CDCA5: variants seen among roughly 807,000 people sequenced by gnomAD.
CDCA5 encodes the protein sororin.
Under a neutral mutation model 25.7 loss-of-function variants are expected in CDCA5, and 14 were observed. The observed-to-expected ratio is 0.54, with a 90% CI of 0.36 to 0.85. The LOEUF (loss-of-function observed/expected upper bound fraction) is 0.85. CDCA5 is among the 40% of genes least tolerant of loss of function. The pLI is 0.01. For synonymous variants in CDCA5, 127 were observed against 128.7 expected (o/e 0.99, Z 0.09); for missense variants, 307 against 324.5 (o/e 0.95, Z 0.41).
Position 65,078,230 on chromosome 11 carries a change from G to T in CDCA5, c.*877C>A. 4.1e-6 allele frequency: 4 copies of T among 985,448 alleles called. No homozygotes were observed. The highest frequency in any genetic ancestry group is 4.8e-6 in the Non-Finnish European group (4 of 829,974). 61.0% of individuals were successfully genotyped at this position (985,448 alleles called of 1,614,324 possible). A position where few individuals can be genotyped will look rare whatever the true frequency, so the allele number is the denominator to read the frequency against. Reference sequence around the variant, plus strand: ...GGTGTAACTTATTTTGTAAGAAATGGGTATGGGTGACAAGAGGGGCCACCT... The same window carrying T: ...GGTGTAACTTATTTTGTAAGAAATGTGTATGGGTGACAAGAGGGGCCACCT... On this transcript the variant is annotated 3_prime_UTR_variant, in exon 6 of 6. Coordinates refer to ENST00000275517, the MANE Select transcript of CDCA5 (RefSeq NM_080668.4).
At chr11:65,066,758 T>TGGGAGGCA in intron 5 of CDCA5, 1 of 1,287,900 alleles carries the variant, frequency 7.8e-7, no homozygotes, top group Non-Finnish European at 1.0e-6. Context: ...AGAGCTGGGC[T>TGGGAGGCA]GGGAGGCAGG....
Position 65,079,778 on chromosome 11 carries a change from A to T in CDCA5, c.253T>A (p.Phe85Ile). 6.8e-7 allele frequency: 1 copy of T among 1,472,426 alleles called. No homozygotes were observed. Among genetic ancestry groups the T allele is most frequent in the Non-Finnish European group, 9.0e-7 (1 of 1,110,392 alleles). 91.2% of individuals were successfully genotyped at this position (1,472,426 alleles called of 1,614,324 possible). ...GGGGGCTCGTTTTCTTTCTCCAAGA[A>T]AAAGGAAATCTGCACCAGGACAGAA... ...SPRRSPRISFFLEKENEPPGR... is the reference protein window; with the variant it reads ...SPRRSPRISFILEKENEPPGR... Residue 85 changes from phenylalanine (F) to isoleucine (I), a missense_variant, in exon 5 of 6, where the codon TTC becomes ATC. Transcript: ENST00000275517.
chr11:65,075,175 C>G (rs975949803), downstream of CDCA5, among the ~76,000 whole-genome samples: 23 of 151,118 alleles, frequency 1.5e-4, no homozygotes, highest in Non-Finnish European at 7.4e-5. Context: ...GTTGGGCGGA[C>G]CACCTGAGGT....
At chr11:65,071,103 G>A (rs1411089956) in intron 1 of CDCA5, among the ~76,000 whole-genome samples, 2 of 150,608 alleles carry the variant, frequency 1.3e-5, no homozygotes, top group Non-Finnish European at 3.0e-5. Flanking sequence ...CACCACACCC[G>A]GCTAATTTTT....
the CDCA5 span, among the ~76,000 whole-genome samples, chr11:65,061,163 T>C: frequency 2.6e-5 from 4 of 152,206 alleles, no homozygotes; most frequent in Non-Finnish European, 4.4e-5. Context: ...CAGAGTCACG[T>C]GGCCTCCCGG....
At chr11:65,074,248 T>A (rs1169802879), downstream of CDCA5, among the ~76,000 whole-genome samples, 1 of 152,130 alleles carries the variant, frequency 6.6e-6, no homozygotes, top group African/African-American at 2.4e-5. Context: ...AATTTTTCTA[T>A]TGTTAGTAGA....
chr11:65,077,652 C>T lies in CDCA5; in HGVS notation c.*1455G>A. On this transcript the variant is annotated 3_prime_UTR_variant, in exon 6 of 6. Transcript: ENST00000275517. ...GCATCAGCCAGTGAGGACAAGAGTT[C>T]TTCAGTGCGGTTCAGCTCAAGGACA... The T allele has an allele frequency of 1.0e-6, 1 of 985,498 alleles. No homozygotes were observed. The highest frequency in any genetic ancestry group is 1.2e-6 in the Non-Finnish European group (1 of 829,982). 61.0% of individuals were successfully genotyped at this position (985,498 alleles called of 1,614,324 possible).
Position 65,079,445 on chromosome 11 carries a change from C to G in CDCA5, c.586G>C (p.Ala196Pro), listed in dbSNP as rs1341553675. 6.2e-7 allele frequency: 1 copy of G among 1,614,064 alleles called. No homozygotes were observed. The highest frequency in any genetic ancestry group is 8.5e-7 in the Non-Finnish European group (1 of 1,180,004). ...GTCATGTCTGGGGCCCAGGGCTTTG[C>G]ACAAACCCTGGGGACCTCGGTGAGT... ...SKLTEVPRVCAKPWAPDMTLP... is the reference protein window; with the variant it reads ...SKLTEVPRVCPKPWAPDMTLP... Residue 196 changes from alanine to proline, a missense_variant, in exon 5 of 6, where the codon GCA (alanine) becomes CCA (proline). Ala to Pro is a conservative substitution (Grantham distance 27). Transcript: ENST00000275517.
In CDCA5 at chr11:65,079,016, G is replaced by C; in HGVS notation, c.*91C>G. Reference sequence around the variant, plus strand: ...AGCACACACACAGGTAACAAGACCAGGGGAGGGGACCCTAAGTGTCCTCTC... The same window carrying C: ...AGCACACACACAGGTAACAAGACCACGGGAGGGGACCCTAAGTGTCCTCTC... On this transcript the variant is annotated 3_prime_UTR_variant, in exon 6 of 6. Coordinates refer to ENST00000275517, the MANE Select transcript of CDCA5 (RefSeq NM_080668.4). 7.2e-7 allele frequency: 1 copy of C among 1,383,734 alleles called. No homozygotes were observed. Among genetic ancestry groups the C allele is most frequent in the African/African-American group, 1.4e-5 (1 of 69,410 alleles). The allele number at this position is 1,383,734 out of a possible 1,614,324, so 85.7% of individuals were successfully genotyped here. A position where few individuals can be genotyped will look rare whatever the true frequency, so the allele number is the denominator to read the frequency against.
chr11:65,083,499 C>T lies in CDCA5; in HGVS notation c.193G>A (p.Ala65Thr). The change falls in exon 3 of 6, where the codon GCC (alanine) becomes ACC (threonine). Residue 65 changes from alanine (A) to threonine (T), a missense_variant. Coordinates refer to ENST00000275517, the MANE Select transcript of CDCA5 (RefSeq NM_080668.4). ...TTAGCCTTTACCTCTACAGCATGGG[C>T]CACGATCCTCTTTAAGACGATGGGC... Reference protein sequence around the residue: ...RKPIVLKRIVAHAVEVPAVQS... With the variant: ...RKPIVLKRIVTHAVEVPAVQS... The T allele has an allele frequency of 6.2e-7, 1 of 1,614,102 alleles. No homozygotes were observed. The highest frequency in any genetic ancestry group is 2.2e-5 in the East Asian group (1 of 44,904).
At position 65,079,097 on chromosome 11, in the gene CDCA5, C is replaced by G. The variant is rs117649318; in HGVS notation, c.*10G>C. 1 of 1,515,546 alleles carries G rather than the reference C, an allele frequency of 6.6e-7. No individual in the cohort carries two copies. Among genetic ancestry groups the G allele is most frequent in the East Asian group, 2.3e-5 (1 of 44,088 alleles). The allele number at this position is 1,515,546 out of a possible 1,614,324, so 93.9% of individuals were successfully genotyped here. ...GGGAGAGTCTGGCCAGGTGCACCCC[C>G]CACTGCATCTCATTCAACCAGGAGA... On this transcript the variant is annotated 3_prime_UTR_variant, in exon 6 of 6. Coordinates refer to ENST00000275517, the MANE Select transcript of CDCA5 (RefSeq NM_080668.4).
intron 5 of CDCA5, chr11:65,066,781 C>T: frequency 2.3e-6 from 3 of 1,289,288 alleles, no homozygotes; most frequent in Non-Finnish European, 3.0e-6. Flanking sequence ...GGAGGCAAGA[C>T]AAAGAAATGG....
chr11:65,079,853 C>T lies in CDCA5; in HGVS notation c.244-66G>A, dbSNP rs181938976. Reference sequence around the variant, plus strand: ...TGGACTGCTTACTTCCAGAAAAGCCCGAGAAGATTCAGGGTGGAAAGACCC... The same window carrying T: ...TGGACTGCTTACTTCCAGAAAAGCCTGAGAAGATTCAGGGTGGAAAGACCC... On this transcript the variant is annotated intron_variant, in intron 4 of 5. Coordinates refer to ENST00000275517, the MANE Select transcript of CDCA5 (RefSeq NM_080668.4). 1.2e-5 allele frequency: 15 copies of T among 1,286,718 alleles called. No individual in the cohort carries two copies. The East Asian group carries it at 3.6e-4, about 31-fold the overall frequency. 79.7% of individuals were successfully genotyped at this position (1,286,718 alleles called of 1,614,324 possible). A position where few individuals can be genotyped will look rare whatever the true frequency, so the allele number is the denominator to read the frequency against.
downstream of CDCA5, among the ~76,000 whole-genome samples, chr11:65,065,470 T>G (rs904252188): frequency 3.3e-5 from 5 of 152,184 alleles, no homozygotes; most frequent in African/African-American, 9.6e-5. Flanking sequence ...GTATTTTTAG[T>G]AGAGACCAGG....
downstream of CDCA5, among the ~76,000 whole-genome samples, chr11:65,072,938 CT>C (rs751923442): frequency 0.011 from 1,060 of 99,950 alleles, 3 homozygotes; most frequent in African/African-American, 0.037. Context: ...TTATTTCATT[CT>C]TTTTTTTTTT....
intron 1 of CDCA5, among the ~76,000 whole-genome samples, chr11:65,069,713 C>T (rs1004897798): frequency 6.6e-6 from 1 of 152,226 alleles, no homozygotes; most frequent in African/African-American, 2.4e-5. Flanking sequence ...AGCTGATTTA[C>T]ACCATGAAGA....
At chr11:65,071,658 G>A (rs1243899761) in intron 1 of CDCA5, among the ~76,000 whole-genome samples, 2 of 152,168 alleles carry the variant, frequency 1.3e-5, no homozygotes, top group Admixed American at 1.3e-4. Context: ...TGGGCATCTT[G>A]TATTTTTTGC....
At chr11:65,075,869 G>T (rs1947434598), downstream of CDCA5, among the ~76,000 whole-genome samples, 1 of 152,124 alleles carries the variant, frequency 6.6e-6, no homozygotes, top group Admixed American at 6.6e-5. Flanking sequence ...ACTGAGGCCT[G>T]GTATCCAGAC....
In CDCA5 at chr11:65,077,627, G is replaced by C; in HGVS notation, c.*1480C>G. On this transcript the variant is annotated 3_prime_UTR_variant, in exon 6 of 6. Transcript: ENST00000275517. ...TAAGACATTTCCCAAGAGTTCTGCTGCATCAGCCAGTGAGGACAAGAGTTC... is the reference window on the plus strand; with the variant it reads ...TAAGACATTTCCCAAGAGTTCTGCTCCATCAGCCAGTGAGGACAAGAGTTC... The C allele has an allele frequency of 1.0e-6, 1 of 985,476 alleles. No homozygotes were observed. The highest frequency in any genetic ancestry group is 1.2e-6 in the Non-Finnish European group (1 of 829,956). 61.0% of individuals were successfully genotyped at this position (985,476 alleles called of 1,614,324 possible). A position where few individuals can be genotyped will look rare whatever the true frequency, so the allele number is the denominator to read the frequency against.
Sources: gnomAD v4.1 joint callset for allele counts (sites outside exome capture counted in the v4.1 genomes callset) on GRCh38, gnomAD v4.1.1 for gene constraint, MANE v1.5 for transcripts, NCBI Gene and HGNC (gene_info 2026-07-23, HGNC 2026-07-21) for gene names.